ELAVL3: variants seen among roughly 807,000 people sequenced by gnomAD.
ELAVL3 encodes ELAV like RNA binding protein 3, also known as ELAV-like protein 3.
A neutral mutation model predicts 34.2 loss-of-function variants in ELAVL3; 8 were observed. That is an observed-to-expected ratio of 0.23 (90% CI 0.14 to 0.42). The LOEUF is 0.42. Ranked by LOEUF, ELAVL3 falls within the 10% of genes least tolerant of loss-of-function variation. ELAVL3 has a pLI of 1.00. For synonymous variants in ELAVL3, 209 were observed against 222.1 expected (o/e 0.94, Z 0.53); for missense variants, 273 against 518.8 (o/e 0.53, Z 4.60).
At position 11,457,313 on chromosome 19, in the gene ELAVL3, C is replaced by G. The variant is rs572512160; in HGVS notation, c.714-165G>C. Among the ~76,000 whole-genome samples the G allele has an allele frequency of 1.1e-4, 16 of 152,146 alleles. No homozygotes were observed. In the East Asian group the frequency reaches 3.1e-3, roughly 29 times the overall value. On this transcript the variant is annotated intron_variant, in intron 5 of 6. Transcript: ENST00000359227. ...GGCTAGACACTGCCTGGCACGGAAC[C>G]GTGGTCACTCAGGCACCGCCTCTCG...
rs1970657778 is a variant in ELAVL3, at chr19:11,452,106, A to G, written c.*2420T>C. 6.6e-6 allele frequency: 1 copy of G among 152,192 alleles called. No individual in the cohort carries two copies. The highest frequency in any genetic ancestry group is 1.5e-5 in the Non-Finnish European group (1 of 68,022). The allele number at this position is 152,192 out of a possible 1,614,324, so 9.4% of individuals were successfully genotyped here. ...CTAAATAGGACTGAAAAAATTCTCAAGACAAGAGCAAAAAGAATCCCATTG... is the reference window on the plus strand; with the variant it reads ...CTAAATAGGACTGAAAAAATTCTCAGGACAAGAGCAAAAAGAATCCCATTG... On this transcript the variant is annotated 3_prime_UTR_variant, in exon 7 of 7. Transcript: ENST00000359227.
At chr19:11,470,157 C>T (rs1170002770) in intron 1 of ELAVL3, among the ~76,000 whole-genome samples, 1 of 152,042 alleles carries the variant, frequency 6.6e-6, no homozygotes, top group Non-Finnish European at 1.5e-5. Context: ...GAGTTCAAGA[C>T]TAGCCTGGCC....
At chr19:11,471,933 A>C (rs943095711) in intron 1 of ELAVL3, among the ~76,000 whole-genome samples, 4 of 152,248 alleles carry the variant, frequency 2.6e-5, no homozygotes, top group African/African-American at 9.6e-5. Flanking sequence ...AATCAGCAGC[A>C]AACAGTGCTG....
chr19:11,464,246 C>CG (rs79639193), intron 3 of ELAVL3, among the ~76,000 whole-genome samples: 149,038 of 149,040 alleles, frequency 1, 74,518 homozygotes, highest in Middle Eastern at 1. Context: ...ACTGTAGCCT[C>CG]GCCGCCTCAG....
chr19:11,470,426 G>A (rs756044073), intron 1 of ELAVL3, among the ~76,000 whole-genome samples: 18 of 152,004 alleles, frequency 1.2e-4, no homozygotes, highest in Non-Finnish European at 1.5e-4. Context: ...AGCACTTTGG[G>A]AGGCCGAGGC....
In ELAVL3 at chr19:11,464,113, GTCTC is replaced by G. The variant is rs1168224490; in HGVS notation, c.333+2055_333+2058del. On this transcript the variant is annotated intron_variant, in intron 3 of 6. Coordinates refer to ENST00000359227, the MANE Select transcript of ELAVL3 (RefSeq NM_001420.4). ...CCTCTCTCTCCCTCTCTCTCTCTCT[GTCTC>G]TCTCTGTCTCTCTCTCTCTCTCTCT... Among the ~76,000 whole-genome samples the G allele has an allele frequency of 2.9e-4, 33 of 115,252 alleles. 1 individual carries two copies. Among genetic ancestry groups the G allele is most frequent in the East Asian group, 1.7e-3 (7 of 4,242 alleles). The allele number at this position is 115,252 out of a possible 152,430, so 75.6% of individuals were successfully genotyped here. A position where few individuals can be genotyped will look rare whatever the true frequency, so the allele number is the denominator to read the frequency against.
chr19:11,462,692 T>C (rs1008151899), intron 3 of ELAVL3, among the ~76,000 whole-genome samples: 7 of 151,374 alleles, frequency 4.6e-5, no homozygotes, highest in Non-Finnish European at 8.8e-5. Context: ...GCACGGTGGC[T>C]CACGCCTGTA....
chr19:11,464,962 C>A (rs1971000969), intron 3 of ELAVL3, among the ~76,000 whole-genome samples: 1 of 126,574 alleles, frequency 7.9e-6, no homozygotes, highest in African/African-American at 3.1e-5. Flanking sequence ...CACACACACG[C>A]ACCAGACACA....
chr19:11,473,384 GAAAAGA>G (rs1265275438), intron 1 of ELAVL3, among the ~76,000 whole-genome samples: 3 of 151,938 alleles, frequency 2.0e-5, no homozygotes, highest in Admixed American at 1.3e-4. Flanking sequence ...AAAGAGAAAA[GAAAAGA>G]AAAAGAAAAA....
chr19:11,473,757 G>C (rs1224429635), intron 1 of ELAVL3, among the ~76,000 whole-genome samples: 1 of 152,168 alleles, frequency 6.6e-6, no homozygotes. Context: ...TTCTGATCCA[G>C]AGTGTGCATT....
intron 3 of ELAVL3, among the ~76,000 whole-genome samples, chr19:11,465,922 C>G (rs1568383439): frequency 6.6e-6 from 1 of 152,144 alleles, no homozygotes; most frequent in Non-Finnish European, 1.5e-5. Context: ...CTGGCTGACT[C>G]CCTGAGCCTC....
intron 3 of ELAVL3, among the ~76,000 whole-genome samples, chr19:11,463,649 A>G (rs1970938029): frequency 6.6e-6 from 1 of 152,066 alleles, no homozygotes; most frequent in Non-Finnish European, 1.5e-5. Context: ...CCGGAGTCAC[A>G]GTGTCACATG....
chr19:11,452,770 C>T lies in ELAVL3; in HGVS notation c.*1756G>A, dbSNP rs1054373935. ...TTGCAATTCTCAGTTCCGATGGGGCCGCTGAGTGGGGTGGGGAGCGGTGCG... is the reference window on the plus strand; with the variant it reads ...TTGCAATTCTCAGTTCCGATGGGGCTGCTGAGTGGGGTGGGGAGCGGTGCG... On this transcript the variant is annotated 3_prime_UTR_variant, in exon 7 of 7. Coordinates refer to ENST00000359227, the MANE Select transcript of ELAVL3 (RefSeq NM_001420.4). 2 of 151,508 alleles carry T rather than the reference C, an allele frequency of 1.3e-5. No individual in the cohort carries two copies. Among genetic ancestry groups the T allele is most frequent in the African/African-American group, 4.9e-5 (2 of 41,216 alleles). The allele number at this position is 151,508 out of a possible 1,614,324, so 9.4% of individuals were successfully genotyped here.
In ELAVL3 at chr19:11,453,559, C is replaced by T. The variant is rs1453070430; in HGVS notation, c.*967G>A. ...GGACAGGTGGATGGATTCGTGTGCC[C>T]ACATCTGTGGTCTGTGTCCACATGG... On this transcript the variant is annotated 3_prime_UTR_variant, in exon 7 of 7. Transcript: ENST00000359227. 2.0e-5 allele frequency: 3 copies of T among 152,810 alleles called. No homozygotes were observed. In the East Asian group the frequency reaches 5.8e-4, roughly 29 times the overall value. 9.5% of individuals were successfully genotyped at this position (152,810 alleles called of 1,614,324 possible). A position where few individuals can be genotyped will look rare whatever the true frequency, so the allele number is the denominator to read the frequency against.
chr19:11,466,505 G>A lies in ELAVL3; in HGVS notation c.229+103C>T, dbSNP rs1328246918. 4 of 1,347,038 alleles carry A rather than the reference G, an allele frequency of 3.0e-6. No homozygotes were observed. Among genetic ancestry groups the A allele is most frequent in the African/African-American group, 1.4e-5 (1 of 69,014 alleles). The allele number at this position is 1,347,038 out of a possible 1,614,324, so 83.4% of individuals were successfully genotyped here. ...ACATCCCTAGACCACCTCCTGCCTC[G>A]ATTACCCCCGAGACACCTCAGCAAG... On this transcript the variant is annotated intron_variant, in intron 2 of 6. Transcript: ENST00000359227. The surrounding 1 kb of genome is among the most constrained non-coding windows in gnomAD (Gnocchi z 5.0).
chr19:11,459,848 A>G (rs1451966525), intron 3 of ELAVL3, among the ~76,000 whole-genome samples: 2 of 152,034 alleles, frequency 1.3e-5, no homozygotes, highest in Non-Finnish European at 2.9e-5. Context: ...CAGCCTCCCA[A>G]GTAGCTGGGA....
intron 1 of ELAVL3, among the ~76,000 whole-genome samples, chr19:11,479,340 T>A (rs1045624264): frequency 2.0e-5 from 3 of 151,668 alleles, no homozygotes; most frequent in African/African-American, 2.4e-5. Context: ...GGGAGAGGCT[T>A]AGGCATGGAG....
In ELAVL3 at chr19:11,465,292, CCA is replaced by C. The variant is rs1232612468; in HGVS notation, c.333+878_333+879del. Among the ~76,000 whole-genome samples the C allele has an allele frequency of 4.9e-3, 598 of 121,328 alleles. 4 individuals carry two copies. The highest frequency in any genetic ancestry group is 0.021 in the African/African-American group (427 of 20,740). 79.6% of individuals were successfully genotyped at this position (121,328 alleles called of 152,430 possible). A position where few individuals can be genotyped will look rare whatever the true frequency, so the allele number is the denominator to read the frequency against. ...CACCACACACATACACACACACACA[CCA>C]CACACACACACACCACACACATACA... On this transcript the variant is annotated intron_variant, in intron 3 of 6. Coordinates refer to ENST00000359227, the MANE Select transcript of ELAVL3 (RefSeq NM_001420.4).
chr19:11,466,853 C>T lies in ELAVL3; in HGVS notation c.10-26G>A. On this transcript the variant is annotated intron_variant, in intron 1 of 6. Transcript: ENST00000359227. The surrounding 1 kb of genome is among the most constrained non-coding windows in gnomAD (Gnocchi z 5.0). ...CTGGAGATAACAGGTCGCATCCGCTCACCGCCCAGTCCCCACACCAGGGGC... is the reference window on the plus strand; with the variant it reads ...CTGGAGATAACAGGTCGCATCCGCTTACCGCCCAGTCCCCACACCAGGGGC... The T allele has an allele frequency of 1.9e-6, 3 of 1,558,140 alleles. No individual in the cohort carries two copies. The highest frequency in any genetic ancestry group is 2.6e-6 in the Non-Finnish European group (3 of 1,148,266).
Sources: gnomAD v4.1 joint callset for allele counts (sites outside exome capture counted in the v4.1 genomes callset) on GRCh38, gnomAD v4.1.1 for gene constraint, Gnocchi (gnomAD v3.1) non-coding constraint, MANE v1.5 for transcripts, NCBI Gene and HGNC (gene_info 2026-07-23, HGNC 2026-07-21) for gene names.